The following DDX27 variants were observed in gnomAD, a reference collection of about 807,000 sequenced individuals.
DDX27 encodes probable ATP-dependent RNA helicase DDX27.
A neutral mutation model predicts 99.3 loss-of-function variants in DDX27; 42 were observed. The ratio of observed to expected loss-of-function variants is 0.42; its 90% CI spans 0.33 to 0.55. DDX27 has a LOEUF of 0.55. Ranked by LOEUF, DDX27 falls within the 20% of genes least tolerant of loss-of-function variation. The pLI is 0.07. For synonymous variants in DDX27, 329 were observed against 353.8 expected, an observed-to-expected ratio of 0.93 and a Z score of 0.79; for missense variants, 798 against 976.8, an observed-to-expected ratio of 0.82 and a Z score of 2.44.
At chr20:49,233,928 A>C (rs1600972673) in intron 11 of DDX27, 1 of 504,520 alleles carries the variant, frequency 2.0e-6, no homozygotes, top group Non-Finnish European at 3.6e-6. Context: ...GTCCTGTTCA[A>C]CTCCCAACCA....
Position 49,219,543 on chromosome 20 carries a change from T to C in DDX27, c.93+2T>C. 1.2e-6 allele frequency: 2 copies of C among 1,612,932 alleles called. No homozygotes were observed. The highest frequency in any genetic ancestry group is 1.1e-5 in the South Asian group (1 of 90,986). On this transcript the variant is annotated splice_donor_variant, in intron 1 of 20. Transcript: ENST00000618172. LOFTEE classifies it high-confidence loss of function. ...GACTCCGGGGACGAGGAAGAGGAGGTATGAGCACGGTTCTGGTCTTTGGGT... is the reference window on the plus strand; with the variant it reads ...GACTCCGGGGACGAGGAAGAGGAGGCATGAGCACGGTTCTGGTCTTTGGGT...
chr20:49,235,553 G>A (rs1404421257), intron 12 of DDX27: 1 of 159,504 alleles, frequency 6.3e-6, no homozygotes, highest in African/African-American at 2.4e-5. Context: ...TTGGCAAGGA[G>A]GAACCCTTTA....
Position 49,238,987 on chromosome 20 carries a change from G to A in DDX27, c.1726G>A (p.Glu576Lys). The change falls in exon 15 of 21, where the codon GAG becomes AAG. Residue 576 changes from glutamate (E) to lysine (K), a missense_variant. Around this residue, in one of 2 missense-constraint regions of DDX27, gnomAD observed 553 missense variants for 727.9 expected, o/e 0.76. Coordinates refer to ENST00000618172, the MANE Select transcript of DDX27 (RefSeq NM_017895.8). The part of the protein sequence containing the change: ...LKFRDKIEKM[E>K]KDVYAVLQLE... ...ATTCCGGGACAAGATTGAGAAAATG[G>A]AGAAAGATGTGTATGCAGTTCTGCA... 1.9e-6 allele frequency: 3 copies of A among 1,614,134 alleles called. No individual in the cohort carries two copies. Among genetic ancestry groups the A allele is most frequent in the South Asian group, 1.1e-5 (1 of 91,074 alleles).
Position 49,236,290 on chromosome 20 carries a change from C to T in DDX27, c.1510-43C>T, listed in dbSNP as rs752034604. The T allele has an allele frequency of 4.5e-6, 7 of 1,569,948 alleles. No homozygotes were observed. The highest frequency in any genetic ancestry group is 6.1e-6 in the Non-Finnish European group (7 of 1,154,636). On this transcript the variant is annotated intron_variant, in intron 13 of 20. Transcript: ENST00000618172. The surrounding 1 kb of genome is among the most constrained non-coding windows in gnomAD (Gnocchi z 4.1). Reference sequence around the variant, plus strand: ...GGAAGTCTTTTTGCCTCTTCGCACCCCCCTTCCCTTGCCAGGCCTGACGTT... The same window carrying T: ...GGAAGTCTTTTTGCCTCTTCGCACCTCCCTTCCCTTGCCAGGCCTGACGTT...
chr20:49,235,021 C>G lies in DDX27; in HGVS notation c.1360C>G (p.Leu454Val). 1 of 1,613,674 alleles carries G rather than the reference C, an allele frequency of 6.2e-7. No individual in the cohort carries two copies. The highest frequency in any genetic ancestry group is 8.5e-7 in the Non-Finnish European group (1 of 1,179,810). The change falls in exon 12 of 21, where the codon CTC (leucine) becomes GTC (valine). Residue 454 changes from leucine to valine, a missense_variant. By Grantham distance (32) the Leu-to-Val change is conservative (BLOSUM62 1). Around this residue, in one of 2 missense-constraint regions of DDX27, gnomAD observed 553 missense variants for 727.9 expected, o/e 0.76. Transcript: ENST00000618172. The part of the protein sequence containing the change: ...QAHRMHILLG[L>V]MGLQVGELHG... ...CCACCGCATGCACATCCTCCTGGGG[C>G]TCATGGGGCTGCAGGTGGGTGAGCT...
intron 6 of DDX27, among the ~76,000 whole-genome samples, chr20:49,226,162 C>T (rs1979878772): frequency 6.6e-6 from 1 of 152,292 alleles, no homozygotes; most frequent in South Asian, 2.1e-4. Context: ...TCCGCAGCAT[C>T]TCTCCATATG....
At chr20:49,233,450 A>G (rs1980194455) in intron 10 of DDX27, 45 bp downstream of exon 10, 6 of 1,607,092 alleles carry the variant, frequency 3.7e-6, no homozygotes, top group Non-Finnish European at 5.1e-6. Context: ...GTGTGCCCAG[A>G]GGGGGCCATG....
At chr20:49,242,886 T>C (rs1283007253) in intron 19 of DDX27, among the ~76,000 whole-genome samples, 1 of 152,126 alleles carries the variant, frequency 6.6e-6, no homozygotes, top group Non-Finnish European at 1.5e-5. Flanking sequence ...CATGCCCAAC[T>C]AATTTTTGTA....
intron 1 of DDX27, 119 bp from the exon 2 acceptor site, chr20:49,221,333 G>A (rs1441202128): frequency 3.6e-6 from 4 of 1,121,250 alleles, no homozygotes; most frequent in Admixed American, 2.3e-5. Context: ...CCTTGTCTGC[G>A]TGCCTTCGCC....
intron 8 of DDX27, 142 bp downstream of exon 8, chr20:49,229,030 C>CTTT (rs11477123): frequency 5.9e-5 from 17 of 287,484 alleles, no homozygotes; most frequent in Admixed American, 2.3e-4. Flanking sequence ...AACTGGAAGA[C>CTTT]TTTTTTTTTT....
chr20:49,223,132 C>A (rs1979751919), intron 3 of DDX27, 116 bp downstream of exon 3: 3 of 1,354,974 alleles, frequency 2.2e-6, no homozygotes, highest in Non-Finnish European at 3.1e-6. Context: ...CAGGCGCACT[C>A]TTCTGTGTGT....
Position 49,228,852 on chromosome 20 carries a change from G to A in DDX27, c.844G>A (p.Ala282Thr). ...IQVHSVTRQL[A>T]QFCNITTCLA... ...GGTGCACTCTGTCACCAGACAGCTG[G>A]CCCAGTTCTGCAACATCACCACCTG... is the stretch of plus-strand genomic sequence containing the variant. The change falls in exon 8 of 21, where the codon GCC becomes ACC. Residue 282 changes from alanine to threonine, a missense_variant. By Grantham distance (58) the Ala-to-Thr change is moderately conservative. This residue lies in a region of DDX27 where 553 missense variants were observed against 727.9 expected (regional missense o/e 0.76). Transcript: ENST00000618172. The A allele has an allele frequency of 6.2e-7, 1 of 1,607,502 alleles. No homozygotes were observed.
intron 3 of DDX27, 96 bp from the exon 4 acceptor site, chr20:49,223,172 C>G: frequency 7.0e-7 from 1 of 1,423,906 alleles, no homozygotes; most frequent in Non-Finnish European, 9.6e-7. Context: ...AGAATCCCCA[C>G]AGCCGTTCAT....
chr20:49,233,875 G>A (rs906626398), intron 11 of DDX27, 166 bp downstream of exon 11: 2 of 718,514 alleles, frequency 2.8e-6, no homozygotes, highest in Admixed American at 2.9e-5. Context: ...TTCTCCACGG[G>A]TCCTTCCTCC....
chr20:49,223,033 C>G lies in DDX27; in HGVS notation c.300+17C>G. ...AAAACAGAGGTGAGAAGAAAAGTGGCTATTTTTCGTTGTTAGGGCCCACTC... is the reference window on the plus strand; with the variant it reads ...AAAACAGAGGTGAGAAGAAAAGTGGGTATTTTTCGTTGTTAGGGCCCACTC... On this transcript the variant is annotated intron_variant, in intron 3 of 20. Transcript: ENST00000618172. 1 of 1,609,770 alleles carries G rather than the reference C, an allele frequency of 6.2e-7. No homozygotes were observed. Among genetic ancestry groups the G allele is most frequent in the East Asian group, 2.2e-5 (1 of 44,824 alleles).
chr20:49,236,570 G>T lies in DDX27; in HGVS notation c.1687+60G>T. 6.8e-7 allele frequency: 1 copy of T among 1,469,736 alleles called. No individual in the cohort carries two copies. Among genetic ancestry groups the T allele is most frequent in the South Asian group, 1.5e-5 (1 of 67,442 alleles). 91.0% of individuals were successfully genotyped at this position (1,469,736 alleles called of 1,614,324 possible). A position where few individuals can be genotyped will look rare whatever the true frequency, so the allele number is the denominator to read the frequency against. On this transcript the variant is annotated intron_variant, in intron 14 of 20. Transcript: ENST00000618172. This position sits in a 1 kb window ranked among gnomAD's most constrained non-coding sequence, Gnocchi z 4.1. ...TCGGTGGGCGGGGCAAGGACAGAGT[G>T]TAATGGCTGAGAGCAGGTACTTTGC...
chr20:49,227,859 G>C (rs1279147390), intron 7 of DDX27, among the ~76,000 whole-genome samples: 1 of 85,940 alleles, frequency 1.2e-5, no homozygotes, highest in Admixed American at 1.2e-4. Flanking sequence ...TTTTTTTTTT[G>C]AGACAGAGTC....
intron 11 of DDX27, chr20:49,234,001 T>G (rs1437085010): frequency 2.9e-6 from 1 of 339,726 alleles, no homozygotes; most frequent in African/African-American, 2.0e-5. Context: ...CCTGGATCGT[T>G]GCGCAGCCTC....
chr20:49,223,572 CTTTTT>C, intron 4 of DDX27, 139 bp downstream of exon 4: 4 of 439,022 alleles, frequency 9.1e-6, no homozygotes, highest in East Asian at 4.8e-5. Context: ...TCCTTTCTTT[CTTTTT>C]TTTTTTTTTT....
Sources: gnomAD v4.1 joint callset for allele counts (sites outside exome capture counted in the v4.1 genomes callset) on GRCh38, gnomAD v4.1.1 for gene constraint, gnomAD v4.1.1 regional missense constraint, Gnocchi (gnomAD v3.1) non-coding constraint, MANE v1.5 for transcripts, NCBI Gene and HGNC (gene_info 2026-07-23, HGNC 2026-07-21) for gene names.